Variants in TBC1D22A observed in about 807,000 individuals in gnomAD.
TBC1D22A encodes the protein TBC1 domain family member 22A, also known as putative GTPase activator.
A neutral mutation model predicts 60.2 loss-of-function variants in TBC1D22A; 38 were observed. The observed-to-expected ratio is 0.63, with a 90% CI of 0.49 to 0.83. TBC1D22A has a LOEUF of 0.83. Among genes scored for constraint, TBC1D22A ranks in the 40% least tolerant of loss-of-function variants. TBC1D22A has a pLI of 0.00. For synonymous variants in TBC1D22A, 302 were observed against 281.7 expected (o/e 1.07, Z -0.72); for missense variants, 628 against 701.0 (o/e 0.90, Z 1.18).
intron 12 of TBC1D22A, among the ~76,000 whole-genome samples, chr22:47,125,381 C>T (rs970083372): frequency 1.3e-5 from 2 of 152,250 alleles, no homozygotes; most frequent in Non-Finnish European, 2.9e-5. Context: ...AGGCCTGACA[C>T]ACCCAGAGCA....
rs1001095145 is a variant in TBC1D22A, at chr22:46,922,587, A to G, written c.1015+10399A>G. On this transcript the variant is annotated intron_variant, in intron 8 of 12. Coordinates refer to ENST00000337137, the MANE Select transcript of TBC1D22A (RefSeq NM_014346.5). ...GAGCATAGAATGGTTTTCCATTTGT[A>G]TATTCATCTCTGATTTTTTTGAGCA... is the stretch of plus-strand genomic sequence containing the variant. Among the ~76,000 whole-genome samples the G allele has an allele frequency of 3.9e-5, 6 of 152,238 alleles. No homozygotes were observed. The East Asian group carries it at 1.2e-3, about 29-fold the overall frequency.
chr22:47,051,002 C>T lies in TBC1D22A; in HGVS notation c.1329+13804C>T, dbSNP rs191320301. On this transcript the variant is annotated intron_variant, in intron 11 of 12. Coordinates refer to ENST00000337137, the MANE Select transcript of TBC1D22A (RefSeq NM_014346.5). ...CTTTGCAGCCGCCTGGGAATAGCAG[C>T]GCTCCCTTTGCTAAGGAGACCCTGT... Among the ~76,000 whole-genome samples the T allele has an allele frequency of 1.2e-3, 183 of 152,322 alleles. 2 individuals carry two copies. The highest frequency in any genetic ancestry group is 4.0e-3 in the African/African-American group (166 of 41,576).
chr22:47,005,227 A>T (rs1263181686), intron 10 of TBC1D22A, among the ~76,000 whole-genome samples: 1 of 151,502 alleles, frequency 6.6e-6, no homozygotes, highest in African/African-American at 2.4e-5. Context: ...ATATACACAC[A>T]TGCCTATACA....
intron 11 of TBC1D22A, among the ~76,000 whole-genome samples, chr22:47,101,040 G>A (rs6008036): frequency 0.016 from 2,456 of 152,204 alleles, 69 homozygotes; most frequent in African/African-American, 0.056. Context: ...TGGCACTCCC[G>A]GGAGCCCTTG....
At chr22:47,089,466 T>A (rs1267458066) in intron 11 of TBC1D22A, among the ~76,000 whole-genome samples, 2 of 152,264 alleles carry the variant, frequency 1.3e-5, no homozygotes, top group African/African-American at 2.4e-5. Context: ...TGAAAAGTCT[T>A]ATTTGAAAAT....
In TBC1D22A at chr22:46,774,234, A is replaced by T. The variant is rs998308340; in HGVS notation, c.62+11386A>T. ...CGGCAGCAGAGATTCTTCTGGAGTG[A>T]GGTGAGCAGCTTGTTCTAGGTCCCC... On this transcript the variant is annotated intron_variant, in intron 1 of 12. Transcript: ENST00000337137. 15 of 985,506 alleles carry T rather than the reference A, an allele frequency of 1.5e-5. No individual in the cohort carries two copies. The Admixed American group carries it at 2.5e-4, about 16-fold the overall frequency. The allele number at this position is 985,506 out of a possible 1,614,324, so 61.0% of individuals were successfully genotyped here. A position where few individuals can be genotyped will look rare whatever the true frequency, so the allele number is the denominator to read the frequency against.
chr22:47,037,127 C>T lies in TBC1D22A; in HGVS notation c.1258C>T (p.Arg420Cys), dbSNP rs1438074649. 7 of 1,613,874 alleles carry T rather than the reference C, an allele frequency of 4.3e-6. No homozygotes were observed. Among genetic ancestry groups the T allele is most frequent in the Non-Finnish European group, 5.9e-6 (7 of 1,179,936 alleles). The change falls in exon 11 of 13, where the codon CGC becomes TGC. Residue 420 changes from arginine (R) to cysteine (C), a missense_variant. By Grantham distance (180) the Arg-to-Cys change is radical. Coordinates refer to ENST00000337137, the MANE Select transcript of TBC1D22A (RefSeq NM_014346.5). The part of the protein sequence containing the change: ...HEVRYLQFAF[R>C]WMNNLLMREV... ...AGTGAGATACCTGCAGTTTGCCTTC[C>T]GCTGGATGAACAACCTGCTGATGAG...
At chr22:46,969,215 T>G (rs960853916) in intron 8 of TBC1D22A, among the ~76,000 whole-genome samples, 1 of 152,226 alleles carries the variant, frequency 6.6e-6, no homozygotes, top group Non-Finnish European at 1.5e-5. Context: ...TAAACATTGT[T>G]TTTTTCTGTT....
intron 11 of TBC1D22A, among the ~76,000 whole-genome samples, chr22:47,061,227 C>T (rs185877178): frequency 5.6e-5 from 8 of 142,718 alleles, no homozygotes; most frequent in South Asian, 4.7e-4. Flanking sequence ...GTCCTGGAAA[C>T]GTTAAGCCAC....
intron 10 of TBC1D22A, among the ~76,000 whole-genome samples, chr22:47,010,307 C>T (rs2061716464): frequency 6.6e-6 from 1 of 152,098 alleles, no homozygotes; most frequent in Non-Finnish European, 1.5e-5. Context: ...GCAGCGCAGC[C>T]AGGCCGGGGA....
At position 47,028,367 on chromosome 22, in the gene TBC1D22A, G is replaced by C. The variant is rs1200278125; in HGVS notation, c.1202-8704G>C. Among the ~76,000 whole-genome samples the C allele has an allele frequency of 1.4e-5, 2 of 139,460 alleles. No homozygotes were observed. Among genetic ancestry groups the C allele is most frequent in the Admixed American group, 7.1e-5 (1 of 14,050 alleles). 91.5% of individuals were successfully genotyped at this position (139,460 alleles called of 152,430 possible). A position where few individuals can be genotyped will look rare whatever the true frequency, so the allele number is the denominator to read the frequency against. On this transcript the variant is annotated intron_variant, in intron 10 of 12. Coordinates refer to ENST00000337137, the MANE Select transcript of TBC1D22A (RefSeq NM_014346.5). This position sits in a 1 kb window ranked among gnomAD's most constrained non-coding sequence, Gnocchi z 4.4. ...GTCCCCCACGGCCCAGGTTCTGAGA[G>C]TGAGTGGTCGCATTCCTGTCCCTCG...
intron 4 of TBC1D22A, among the ~76,000 whole-genome samples, chr22:46,818,187 A>G (rs1011743263): frequency 2.6e-5 from 4 of 152,190 alleles, no homozygotes; most frequent in African/African-American, 7.2e-5. Context: ...ATTTTCTCCC[A>G]TTCTGTAAGT....
intron 1 of TBC1D22A, among the ~76,000 whole-genome samples, chr22:46,781,008 G>T (rs1380051946): frequency 6.6e-6 from 1 of 152,098 alleles, no homozygotes; most frequent in Admixed American, 6.5e-5. Flanking sequence ...AGTTGGTGTT[G>T]ATGTCAGGGA....
chr22:47,044,144 T>G (rs2062953669), intron 11 of TBC1D22A, among the ~76,000 whole-genome samples: 1 of 152,214 alleles, frequency 6.6e-6, no homozygotes, highest in African/African-American at 2.4e-5. Flanking sequence ...CCGATTGCTG[T>G]GTCTGTCTCA....
At chr22:46,842,926 C>T (rs1007321740) in intron 4 of TBC1D22A, among the ~76,000 whole-genome samples, 4 of 152,282 alleles carry the variant, frequency 2.6e-5, no homozygotes, top group South Asian at 2.1e-4. Flanking sequence ...GGAGGTGCTG[C>T]GGCCCATGTT....
At chr22:46,938,005 C>CTA (rs2071758381) in intron 8 of TBC1D22A, among the ~76,000 whole-genome samples, 1 of 152,194 alleles carries the variant, frequency 6.6e-6, no homozygotes, top group South Asian at 2.1e-4. Context: ...GGTACATTAA[C>CTA]TAAAGTTCAT....
At chr22:47,105,530 AG>A (rs1253023216) in intron 11 of TBC1D22A, among the ~76,000 whole-genome samples, 4 of 152,236 alleles carry the variant, frequency 2.6e-5, no homozygotes, top group Non-Finnish European at 4.4e-5. Context: ...GGGACTGAAC[AG>A]TTGTTTGTGT....
intron 4 of TBC1D22A, among the ~76,000 whole-genome samples, chr22:46,811,828 G>T (rs1024433536): frequency 6.6e-6 from 1 of 152,178 alleles, no homozygotes; most frequent in African/African-American, 2.4e-5. Context: ...GGTCTGGCCC[G>T]CCAGGTGAAG....
chr22:47,135,933 G>A lies in TBC1D22A; in HGVS notation c.1425+24330G>A, dbSNP rs543497407. On this transcript the variant is annotated intron_variant, in intron 12 of 12. Coordinates refer to ENST00000337137, the MANE Select transcript of TBC1D22A (RefSeq NM_014346.5). ...CACGTGCCATGTGCCAGGACCACCC[G>A]GACACACGTGGTGAGGTCACTGTGG... Among the ~76,000 whole-genome samples the A allele has an allele frequency of 6.6e-5, 10 of 152,310 alleles. No individual in the cohort carries two copies. The South Asian group carries it at 1.5e-3, about 22-fold the overall frequency.
Sources: gnomAD v4.1 joint callset for allele counts (sites outside exome capture counted in the v4.1 genomes callset) on GRCh38, gnomAD v4.1.1 for gene constraint, Gnocchi (gnomAD v3.1) non-coding constraint, MANE v1.5 for transcripts, NCBI Gene and HGNC (gene_info 2026-07-23, HGNC 2026-07-21) for gene names.